Variants in REV1 observed in about 807,000 individuals in gnomAD.
REV1 encodes the protein translesion synthesis protein REV1.
In REV1, 42 loss-of-function variants were observed where a neutral mutation model predicts 137.4. That is an observed-to-expected ratio of 0.31 (90% CI 0.24 to 0.40). REV1 has a LOEUF of 0.40. Among genes scored for constraint, REV1 ranks in the 10% least tolerant of loss-of-function variants. The probability of loss-of-function intolerance (pLI) is 1.00; values close to 1 mark genes in which losing one functional copy is unlikely to be tolerated. For missense variants in REV1, 1,282 were observed against 1,490.1 expected (o/e 0.86, Z 2.30); for synonymous variants, 524 against 519.2 (o/e 1.01, Z -0.12).
intron 12 of REV1, among the ~76,000 whole-genome samples, chr2:99,414,190 C>T (rs957920898): frequency 1.3e-5 from 2 of 152,160 alleles, no homozygotes; most frequent in African/African-American, 4.8e-5. Context: ...CTGCTAACTT[C>T]TGTTCATAGC....
intron 18 of REV1, among the ~76,000 whole-genome samples, chr2:99,404,118 G>A (rs572153339): frequency 6.6e-6 from 1 of 152,344 alleles, no homozygotes; most frequent in East Asian, 1.9e-4. Context: ...GACTCAGGTT[G>A]TTACTGTCCC....
intron 1 of REV1, among the ~76,000 whole-genome samples, chr2:99,484,710 T>A (rs972683299): frequency 1.3e-5 from 2 of 151,424 alleles, no homozygotes; most frequent in Admixed American, 1.3e-4. Context: ...AAACAAAAAA[T>A]TAGCCATAAA....
At chr2:99,465,404 A>T (rs1684683235) in intron 1 of REV1, among the ~76,000 whole-genome samples, 1 of 152,208 alleles carries the variant, frequency 6.6e-6, no homozygotes, top group African/African-American at 2.4e-5. Context: ...CTTTGCTATT[A>T]CATACTGGAC....
Position 99,406,383 on chromosome 2 carries a change from G to T in REV1, c.2556C>A (p.Val852=). The change falls in exon 16 of 23, where the codon GTC becomes GTA. Residue 852 remains valine, a synonymous_variant. Coordinates refer to ENST00000258428, the MANE Select transcript of REV1 (RefSeq NM_016316.4). ...SSHFPSGSYS[V]RDVFQVQKAK... is the part of the protein sequence containing the mutation. ...CTTTCTGAACTTGGAAGACATCACGGACAGAGTATGACCCACTAGGAAAGT... is the reference window on the plus strand; with the variant it reads ...CTTTCTGAACTTGGAAGACATCACGTACAGAGTATGACCCACTAGGAAAGT... 6.2e-7 allele frequency: 1 copy of T among 1,613,748 alleles called. No individual in the cohort carries two copies.
chr2:99,415,470 T>C (rs778366333), intron 12 of REV1, among the ~76,000 whole-genome samples: 2 of 152,182 alleles, frequency 1.3e-5, no homozygotes, highest in Admixed American at 6.5e-5. Flanking sequence ...AATACAGACA[T>C]AGAGGAGTAA....
At chr2:99,463,819 TCAC>T (rs1194060940) in intron 2 of REV1, among the ~76,000 whole-genome samples, 1 of 152,140 alleles carries the variant, frequency 6.6e-6, no homozygotes, top group African/African-American at 2.4e-5. Flanking sequence ...AGACGGGATT[TCAC>T]CATGTTGGCC....
chr2:99,408,309 C>T (rs28382959), intron 14 of REV1, 178 bp from the exon 15 acceptor site: 4,841 of 390,524 alleles, frequency 0.012, 50 homozygotes, highest in Middle Eastern at 0.02. Flanking sequence ...ATTAGTTACA[C>T]TGGCAACCAA....
At chr2:99,408,770 A>G (rs1351906166) in intron 14 of REV1, among the ~76,000 whole-genome samples, 2 of 152,234 alleles carry the variant, frequency 1.3e-5, no homozygotes, top group African/African-American at 2.4e-5. Context: ...GTCCCATTGC[A>G]AACAGAATTA....
chr2:99,404,872 G>T (rs1355659245), intron 17 of REV1, among the ~76,000 whole-genome samples, 195 bp from the exon 18 acceptor site: 1 of 152,186 alleles, frequency 6.6e-6, no homozygotes, highest in African/African-American at 2.4e-5. Context: ...ATTGAAGCCT[G>T]AAGTACTATG....
intron 5 of REV1, among the ~76,000 whole-genome samples, 180 bp downstream of exon 5, chr2:99,442,137 A>C (rs1333321719): frequency 6.6e-6 from 1 of 151,386 alleles, no homozygotes; most frequent in Non-Finnish European, 1.5e-5. Context: ...CTGTAAGCCT[A>C]GCTACTCGGG....
chr2:99,443,740 TTACATTCAAAA>T (rs986716267), intron 4 of REV1, among the ~76,000 whole-genome samples: 7 of 152,196 alleles, frequency 4.6e-5, no homozygotes, highest in Admixed American at 3.9e-4. Context: ...AAAATTCAGG[TTACATTCAAAA>T]TACATTCAAA....
In REV1 at chr2:99,429,910, A is replaced by G; in HGVS notation, c.1477T>C (p.Ser493Pro). The G allele has an allele frequency of 6.2e-7, 1 of 1,602,686 alleles. No individual in the cohort carries two copies. Among genetic ancestry groups the G allele is most frequent in the Non-Finnish European group, 8.5e-7 (1 of 1,174,920 alleles). The change falls in exon 9 of 23, where the codon TCT becomes CCT. Residue 493 changes from serine to proline, a missense_variant. Ser to Pro is a moderately conservative substitution (Grantham distance 74). Coordinates refer to ENST00000258428, the MANE Select transcript of REV1 (RefSeq NM_016316.4). Reference sequence around the variant, plus strand: ...GAATCAATTCCATTTGCTTGCGCAGAATCTGGATTCTCCCACAATGATGAA... The same window carrying G: ...GAATCAATTCCATTTGCTTGCGCAGGATCTGGATTCTCCCACAATGATGAA... ...PDSSLWENPD[S>P]AQANGIDSVL... is the part of the protein sequence containing the mutation.
intron 12 of REV1, among the ~76,000 whole-genome samples, chr2:99,418,005 G>A (rs1173403200): frequency 1.3e-5 from 2 of 152,072 alleles, no homozygotes; most frequent in African/African-American, 2.4e-5. Context: ...ATATACTACG[G>A]GGGTCAGGAA....
intron 15 of REV1, 103 bp downstream of exon 15, chr2:99,407,924 CAT>C: frequency 1.8e-6 from 1 of 547,608 alleles, no homozygotes; most frequent in Non-Finnish European, 3.1e-6. Context: ...TAAAGACCTA[CAT>C]ATAAAGTCCC....
intron 13 of REV1, among the ~76,000 whole-genome samples, chr2:99,412,372 C>T (rs1677296599): frequency 6.6e-6 from 1 of 151,292 alleles, no homozygotes. Flanking sequence ...GAGGGGTTTG[C>T]TGAAACTTAA....
At chr2:99,469,222 G>A (rs886321146) in intron 1 of REV1, among the ~76,000 whole-genome samples, 4 of 152,102 alleles carry the variant, frequency 2.6e-5, no homozygotes, top group South Asian at 2.1e-4. Context: ...TTTTTCCCCC[G>A]TAAGTTTTAG....
At chr2:99,424,866 G>A in intron 9 of REV1, 1 of 1,303,642 alleles carries the variant, frequency 7.7e-7, no homozygotes, top group South Asian at 1.2e-5. Flanking sequence ...ACATCACTCT[G>A]GGCAGGAGCC....
chr2:99,424,439 G>A, intron 9 of REV1, 159 bp from the exon 10 acceptor site: 1 of 768,936 alleles, frequency 1.3e-6, no homozygotes, highest in Non-Finnish European at 2.0e-6. Context: ...TTACAGCCTT[G>A]TTTTCCCCCA....
At chr2:99,453,499 T>C (rs1683155487) in intron 3 of REV1, among the ~76,000 whole-genome samples, 1 of 152,202 alleles carries the variant, frequency 6.6e-6, no homozygotes. Context: ...AATTTTGCAA[T>C]TCATAATCCC....
Sources: gnomAD v4.1 joint callset for allele counts (sites outside exome capture counted in the v4.1 genomes callset) on GRCh38, gnomAD v4.1.1 for gene constraint, MANE v1.5 for transcripts, NCBI Gene and HGNC (gene_info 2026-07-23, HGNC 2026-07-21) for gene names.